Variants in SLC27A4 observed in about 807,000 individuals in gnomAD.
SLC27A4 encodes solute carrier family 27 member 4.
A neutral mutation model predicts 64.4 loss-of-function variants in SLC27A4; 33 were observed. The observed-to-expected ratio is 0.51, with a 90% CI of 0.39 to 0.68. SLC27A4 has a LOEUF of 0.68. Among genes scored for constraint, SLC27A4 ranks in the 30% least tolerant of loss-of-function variants. The pLI is 0.00. For synonymous variants in SLC27A4, 377 were observed against 370.0 expected, an observed-to-expected ratio of 1.02 and a Z score of -0.22; for missense variants, 824 against 883.5, an observed-to-expected ratio of 0.93 and a Z score of 0.85.
At chr9:128,341,435 C>G (rs1012993366) in intron 1 of SLC27A4, among the ~76,000 whole-genome samples, 2 of 152,216 alleles carry the variant, frequency 1.3e-5, no homozygotes, top group African/African-American at 2.4e-5. Context: ...TCGCCTTCCC[C>G]TAAGCCCTAG....
chr9:128,343,218 TG>T lies in SLC27A4; in HGVS notation c.87del (p.Leu30CysfsTer31). Reference sequence around the variant, plus strand: ...CCCTGGACCCAGGTGGGATTCTCCCTGTTGTTCCTCTACTTGGGATCTGGCG... The same window carrying T: ...CCCTGGACCCAGGTGGGATTCTCCCTTTGTTCCTCTACTTGGGATCTGGCG... ...KLPWTQVGFS[L>X]LFLYLGSGGW... On this transcript the variant is annotated frameshift_variant, in exon 2 of 13. Coordinates refer to ENST00000300456, the MANE Select transcript of SLC27A4 (RefSeq NM_005094.4). LOFTEE classifies it high-confidence loss of function. 1 of 1,614,214 alleles carries T rather than the reference TG, an allele frequency of 6.2e-7. No homozygotes were observed. Among genetic ancestry groups the T allele is most frequent in the Non-Finnish European group, 8.5e-7 (1 of 1,180,032 alleles).
intron 3 of SLC27A4, among the ~76,000 whole-genome samples, chr9:128,346,156 C>T (rs1832653220): frequency 6.6e-6 from 1 of 152,196 alleles, no homozygotes; most frequent in African/African-American, 2.4e-5. Context: ...CTACCTCTGC[C>T]TCTCAAAGTG....
At chr9:128,341,980 G>A (rs555840487) in intron 1 of SLC27A4, among the ~76,000 whole-genome samples, 11 of 152,190 alleles carry the variant, frequency 7.2e-5, no homozygotes, top group African/African-American at 1.4e-4. Flanking sequence ...GTCATGATCC[G>A]CCTGCCTCGG....
intron 12 of SLC27A4, among the ~76,000 whole-genome samples, chr9:128,357,246 A>C (rs2131271713): frequency 7.3e-6 from 1 of 136,910 alleles, no homozygotes; most frequent in East Asian, 2.3e-4. Flanking sequence ...TGGGAGACAG[A>C]GTGAGACTCT....
rs139914381 is a variant in SLC27A4, at chr9:128,345,485, T to C, written c.492T>C (p.Ala164=). 769 of 1,612,626 alleles carry C rather than the reference T, an allele frequency of 4.8e-4. 3 individuals carry two copies. The highest frequency in any genetic ancestry group is 4.1e-3 in the Middle Eastern group (25 of 6,062). The part of the protein sequence containing the change: ...ALINTNLRRD[A]LLHCLTTSRA... The stretch of plus-strand genomic sequence containing the variant: ...TCAACACCAACCTGCGGCGGGATGC[T>C]CTGCTCCACTGCCTCACCACCTCGC... The change falls in exon 3 of 13, where the codon GCT becomes GCC. Residue 164 remains alanine, a synonymous_variant. Coordinates refer to ENST00000300456, the MANE Select transcript of SLC27A4 (RefSeq NM_005094.4). The surrounding 1 kb of genome is among the most constrained non-coding windows in gnomAD (Gnocchi z 4.1).
Position 128,359,907 on chromosome 9 carries a change from G to A in SLC27A4, c.1775-427G>A, listed in dbSNP as rs1016948539. Among the ~76,000 whole-genome samples the A allele has an allele frequency of 7.2e-5, 11 of 152,208 alleles. No individual in the cohort carries two copies. In the East Asian group the frequency reaches 2.1e-3, roughly 29 times the overall value. On this transcript the variant is annotated intron_variant, in intron 12 of 12. Coordinates refer to ENST00000300456, the MANE Select transcript of SLC27A4 (RefSeq NM_005094.4). ...GATGTTAAAATCTGCAAGCACGTCC[G>A]TGTTAGAATCCAGAGAATACGGTTG...
rs1396393423 is a variant in SLC27A4, at chr9:128,345,510, C to T, written c.517C>T (p.Arg173Cys). Residue 173 changes from arginine (R) to cysteine (C), a missense_variant, in exon 3 of 13, where the codon CGC (arginine) becomes TGC (cysteine). Transcript: ENST00000300456. This position sits in a 1 kb window ranked among gnomAD's most constrained non-coding sequence, Gnocchi z 4.1. ...DALLHCLTTS[R>C]ARALVFGSEM... Reference sequence around the variant, plus strand: ...TCTGCTCCACTGCCTCACCACCTCGCGCGCACGGGCCCTTGTCTTTGGCAG... The same window carrying T: ...TCTGCTCCACTGCCTCACCACCTCGTGCGCACGGGCCCTTGTCTTTGGCAG... 11 of 1,609,944 alleles carry T rather than the reference C, an allele frequency of 6.8e-6. No individual in the cohort carries two copies. Among genetic ancestry groups the T allele is most frequent in the Admixed American group, 1.7e-5 (1 of 59,708 alleles).
At chr9:128,344,471 A>G (rs908196904) in intron 2 of SLC27A4, among the ~76,000 whole-genome samples, 1 of 151,960 alleles carries the variant, frequency 6.6e-6, no homozygotes, top group African/African-American at 2.4e-5. Context: ...ATGAGCTGAC[A>G]TTGCATCACT....
intron 9 of SLC27A4, among the ~76,000 whole-genome samples, chr9:128,354,373 TCTA>T (rs1159046195): frequency 1.3e-5 from 2 of 152,162 alleles, no homozygotes; most frequent in African/African-American, 4.8e-5. Context: ...AGTCCCCTTA[TCTA>T]CAAACTGTGC....
intron 9 of SLC27A4, among the ~76,000 whole-genome samples, chr9:128,354,791 TAAA>T (rs71381753): frequency 3.4e-5 from 5 of 145,254 alleles, no homozygotes; most frequent in African/African-American, 1.3e-4. Context: ...TACTAAAAAA[TAAA>T]AAAAAAAAAT....
rs1183856360 is a variant in SLC27A4 at position 128,343,108 on chromosome 9, A to G, written c.-6-19A>G. ...GGAGGGTTGGGTGTTTGGGTCCACT[A>G]ACTGCCCTGTGTCCGCAGGCCACAA... On this transcript the variant is annotated intron_variant, in intron 1 of 12. Coordinates refer to ENST00000300456, the MANE Select transcript of SLC27A4 (RefSeq NM_005094.4). 6.2e-7 allele frequency: 1 copy of G among 1,612,452 alleles called. No individual in the cohort carries two copies. Among genetic ancestry groups the G allele is most frequent in the East Asian group, 2.2e-5 (1 of 44,872 alleles).
At chr9:128,347,763 C>G (rs1168593928) in intron 3 of SLC27A4, among the ~76,000 whole-genome samples, 7 of 150,652 alleles carry the variant, frequency 4.6e-5, no homozygotes, top group African/African-American at 1.5e-4. Context: ...TGGCTCATGC[C>G]TGTAATCCCA....
chr9:128,343,284 G>A lies in SLC27A4; in HGVS notation c.152G>A (p.Arg51His), dbSNP rs965117658. The A allele has an allele frequency of 1.2e-5, 19 of 1,614,150 alleles. No individual in the cohort carries two copies. The highest frequency in any genetic ancestry group is 6.7e-5 in the East Asian group (3 of 44,880). The change falls in exon 2 of 13, where the codon CGC becomes CAC. Residue 51 changes from arginine (R) to histidine (H), a missense_variant. Arg to His is a conservative substitution (Grantham distance 29). Transcript: ENST00000300456. Reference protein sequence around the residue: ...FIRVFIKTIRRDIFGGLVLLK... With the variant: ...FIRVFIKTIRHDIFGGLVLLK... ...CGGGTCTTCATCAAGACCATCAGGC[G>A]CGATATCTTGTGAGTACCTGGCCCA...
chr9:128,345,165 GTCC>G lies in SLC27A4; in HGVS notation c.177_179del (p.Leu60del), dbSNP rs1832634654. The stretch of plus-strand genomic sequence containing the variant: ...CTTGTTCACACACAGTGGCGGCCTG[GTCC>G]TCCTGAAGGTGAAGGCAAAGGTGCG... On this transcript the variant is annotated inframe_deletion, in exon 3 of 13. Transcript: ENST00000300456. The surrounding 1 kb of genome is among the most constrained non-coding windows in gnomAD (Gnocchi z 4.1). 1 of 1,613,134 alleles carries G rather than the reference GTCC, an allele frequency of 6.2e-7. No homozygotes were observed.
rs141987207 is a variant in SLC27A4 at position 128,361,150 on chromosome 9, T to C, written c.*659T>C. On this transcript the variant is annotated 3_prime_UTR_variant, in exon 13 of 13. Coordinates refer to ENST00000300456, the MANE Select transcript of SLC27A4 (RefSeq NM_005094.4). Reference sequence around the variant, plus strand: ...GTCTGTGTCACCTCCATCTCAGTCTTGGCCTGGCTATGAGGGGAGGAGGAA... The same window carrying C: ...GTCTGTGTCACCTCCATCTCAGTCTCGGCCTGGCTATGAGGGGAGGAGGAA... 6.5e-3 allele frequency: 1,023 copies of C among 156,502 alleles called. 15 individuals are homozygous for C. Among genetic ancestry groups the C allele is most frequent in the African/African-American group, 0.023 (955 of 41,494 alleles). The allele number at this position is 156,502 out of a possible 1,614,324, so 9.7% of individuals were successfully genotyped here.
intron 12 of SLC27A4, among the ~76,000 whole-genome samples, chr9:128,359,262 G>A (rs548277772): frequency 2.6e-5 from 4 of 152,182 alleles, no homozygotes; most frequent in Non-Finnish European, 5.9e-5. Context: ...GCTGAGGCAG[G>A]TAGCTCGCTT....
chr9:128,345,285 A>G lies in SLC27A4; in HGVS notation c.292A>G (p.Thr98Ala). The change falls in exon 3 of 13, where the codon ACA becomes GCA. Residue 98 changes from threonine (T) to alanine (A), a missense_variant. Coordinates refer to ENST00000300456, the MANE Select transcript of SLC27A4 (RefSeq NM_005094.4). The surrounding 1 kb of genome is among the most constrained non-coding windows in gnomAD (Gnocchi z 4.1). Reference sequence around the variant, plus strand: ...CAAGACGGCCCTGATCTTCGAGGGCACAGATACCCACTGGACCTTCCGCCA... The same window carrying G: ...CAAGACGGCCCTGATCTTCGAGGGCGCAGATACCCACTGGACCTTCCGCCA... The part of the protein sequence containing the change: ...PDKTALIFEG[T>A]DTHWTFRQLD... The G allele has an allele frequency of 6.2e-7, 1 of 1,613,894 alleles. No individual in the cohort carries two copies. Among genetic ancestry groups the G allele is most frequent in the Non-Finnish European group, 8.5e-7 (1 of 1,179,996 alleles).
At chr9:128,357,807 T>C (rs528790094) in intron 12 of SLC27A4, among the ~76,000 whole-genome samples, 4 of 152,308 alleles carry the variant, frequency 2.6e-5, no homozygotes, top group African/African-American at 9.6e-5. Context: ...GTTGTCGTCA[T>C]ATCAGTCCTG....
At chr9:128,342,726 C>T in intron 1 of SLC27A4, 1 of 327,570 alleles carries the variant, frequency 3.1e-6, no homozygotes, top group Non-Finnish European at 6.0e-6. Context: ...TTGGAATGCA[C>T]AGTTTTTTTA....
Sources: allele counts gnomAD v4.1 joint callset (sites outside exome capture counted in the v4.1 genomes callset), GRCh38; gene constraint gnomAD v4.1.1; non-coding constraint Gnocchi (gnomAD v3.1); transcripts MANE v1.5; gene names NCBI Gene and HGNC (gene_info 2026-07-23, HGNC 2026-07-21).